PCLO: variants seen among roughly 807,000 people sequenced by gnomAD.
The protein encoded by PCLO is piccolo presynaptic cytomatrix protein, also known as protein piccolo.
A neutral mutation model predicts 427.5 loss-of-function variants in PCLO; 82 were observed. The ratio of observed to expected loss-of-function variants is 0.19; its 90% CI spans 0.16 to 0.23. The LOEUF is 0.23. Among genes scored for constraint, PCLO ranks in the 10% least tolerant of loss-of-function variants. The probability of loss-of-function intolerance (pLI) is 1.00; values close to 1 mark genes in which losing one functional copy is unlikely to be tolerated. For missense variants in PCLO, 6,239 were observed against 6,115.9 expected, an observed-to-expected ratio of 1.02 and a Z score of -0.67; for synonymous variants, 2,357 against 2,155.4, an observed-to-expected ratio of 1.09 and a Z score of -2.59.
Position 83,038,717 on chromosome 7 carries a change from T to C in PCLO, c.3301-72230A>G, listed in dbSNP as rs556126251. ...ATTTGCAAGATTTGTGTGAACATGTTACTTTATGTCTCTTCGGTATCTATG... is the reference window on the plus strand; with the variant it reads ...ATTTGCAAGATTTGTGTGAACATGTCACTTTATGTCTCTTCGGTATCTATG... On this transcript the variant is annotated intron_variant, in intron 3 of 24. Transcript: ENST00000333891. 4.6e-5 allele frequency among the ~76,000 whole-genome samples: 7 copies of C among 152,138 alleles called. No homozygotes were observed. In the East Asian group the frequency reaches 1.4e-3, roughly 29 times the overall value.
At chr7:82,838,929 C>T (rs939646375) in intron 14 of PCLO, among the ~76,000 whole-genome samples, 1 of 151,906 alleles carries the variant, frequency 6.6e-6, no homozygotes, top group Non-Finnish European at 1.5e-5. Context: ...TACTACAATA[C>T]TCTTTTTTTC....
intron 21 of PCLO, among the ~76,000 whole-genome samples, chr7:82,802,892 A>C (rs1215745972): frequency 6.6e-6 from 1 of 152,258 alleles, no homozygotes; most frequent in East Asian, 1.9e-4. Flanking sequence ...TTCAGAAATT[A>C]TTTTATCTCA....
At chr7:83,121,450 A>G (rs1196907163) in intron 3 of PCLO, among the ~76,000 whole-genome samples, 1 of 152,162 alleles carries the variant, frequency 6.6e-6, no homozygotes, top group Non-Finnish European at 1.5e-5. Context: ...ACCTAAGAAG[A>G]CAGAAAAGAA....
Position 82,948,951 on chromosome 7 carries a change from C to T in PCLO, c.11112+525G>A, listed in dbSNP as rs537088899. Among the ~76,000 whole-genome samples, 7 of 152,168 alleles carry T rather than the reference C, an allele frequency of 4.6e-5. No homozygotes were observed. The South Asian group carries it at 1.5e-3, about 32-fold the overall frequency. On this transcript the variant is annotated intron_variant, in intron 6 of 24. Coordinates refer to ENST00000333891, the MANE Select transcript of PCLO (RefSeq NM_033026.6). Reference sequence around the variant, plus strand: ...TCTTTTGACCAGTAAGTGTTCCAAGCCTTTTAATGAAAACATTCTGGCTGG... The same window carrying T: ...TCTTTTGACCAGTAAGTGTTCCAAGTCTTTTAATGAAAACATTCTGGCTGG...
At chr7:82,969,160 A>C (rs530646308) in intron 3 of PCLO, among the ~76,000 whole-genome samples, 3 of 152,208 alleles carry the variant, frequency 2.0e-5, no homozygotes, top group African/African-American at 7.2e-5. Flanking sequence ...AAAATAAAAC[A>C]TAGCAATAAT....
intron 8 of PCLO, among the ~76,000 whole-genome samples, chr7:82,906,809 T>G (rs1244458633): frequency 6.6e-6 from 1 of 151,972 alleles, no homozygotes; most frequent in Admixed American, 6.6e-5. Context: ...TGTTTGTATG[T>G]TAGATGTGAA....
At chr7:82,828,100 T>A (rs903361396) in intron 16 of PCLO, 134 bp from the exon 17 acceptor site, 1 of 625,338 alleles carries the variant, frequency 1.6e-6, no homozygotes, top group African/African-American at 1.9e-5. Flanking sequence ...ATCATCCTCA[T>A]GTCTTAAACC....
At chr7:82,874,243 C>T (rs1793313533) in intron 10 of PCLO, among the ~76,000 whole-genome samples, 1 of 150,944 alleles carries the variant, frequency 6.6e-6, no homozygotes, top group African/African-American at 2.4e-5. Flanking sequence ...GTGCTGGACA[C>T]AGTATAAAGG....
At chr7:82,837,097 C>T (rs762313743) in intron 15 of PCLO, among the ~76,000 whole-genome samples, 84 of 152,072 alleles carry the variant, frequency 5.5e-4, no homozygotes, top group South Asian at 1.7e-3. Context: ...TAAAATTATG[C>T]TTATACGAGG....
At chr7:82,822,311 A>C in intron 20 of PCLO, 184 bp downstream of exon 20, 1 of 1,435,830 alleles carries the variant, frequency 7.0e-7, no homozygotes, top group Non-Finnish European at 9.1e-7. Context: ...ATGTAAATAA[A>C]AAAAATCTAA....
At chr7:82,878,875 C>T (rs375496670) in intron 10 of PCLO, among the ~76,000 whole-genome samples, 12 of 152,138 alleles carry the variant, frequency 7.9e-5, no homozygotes, top group East Asian at 7.7e-4. Flanking sequence ...ATGATCATGA[C>T]TGTGTTCCAA....
intron 3 of PCLO, among the ~76,000 whole-genome samples, chr7:82,978,908 G>A (rs939341499): frequency 6.7e-6 from 1 of 149,724 alleles, no homozygotes. Flanking sequence ...CACAAAATGA[G>A]TATCTTTCTT....
chr7:83,136,441 T>G (rs1196463293), intron 2 of PCLO, among the ~76,000 whole-genome samples: 2 of 152,172 alleles, frequency 1.3e-5, no homozygotes, highest in African/African-American at 4.8e-5. Flanking sequence ...TTTTAAGATA[T>G]ACAGCCCAGA....
At chr7:82,991,989 G>T (rs1484508070) in intron 3 of PCLO, among the ~76,000 whole-genome samples, 2 of 152,036 alleles carry the variant, frequency 1.3e-5, no homozygotes, top group Non-Finnish European at 2.9e-5. Flanking sequence ...GTGAGTTTCA[G>T]GGACTCAGAC....
chr7:82,809,744 T>C (rs1382809919), intron 20 of PCLO, among the ~76,000 whole-genome samples: 3 of 151,780 alleles, frequency 2.0e-5, no homozygotes, highest in Admixed American at 6.6e-5. Flanking sequence ...CCACTTGATA[T>C]GGAAGCTTTT....
At position 82,754,043 on chromosome 7, in the gene PCLO, G is replaced by A. The variant is rs1228587389; in HGVS notation, c.*4532C>T. The A allele has an allele frequency of 6.6e-6, 1 of 152,134 alleles. No individual in the cohort carries two copies. Among genetic ancestry groups the A allele is most frequent in the East Asian group, 1.9e-4 (1 of 5,198 alleles). The allele number at this position is 152,134 out of a possible 1,614,324, so 9.4% of individuals were successfully genotyped here. On this transcript the variant is annotated 3_prime_UTR_variant, in exon 25 of 25. Coordinates refer to ENST00000333891, the MANE Select transcript of PCLO (RefSeq NM_033026.6). ...TTTCAGTATTTATTAGTAAGGCTGAGGCAACAGCCTTTATACGGCACAGTT... is the reference window on the plus strand; with the variant it reads ...TTTCAGTATTTATTAGTAAGGCTGAAGCAACAGCCTTTATACGGCACAGTT...
intron 3 of PCLO, among the ~76,000 whole-genome samples, chr7:83,047,641 C>A (rs1789136188): frequency 6.6e-6 from 1 of 151,994 alleles, no homozygotes; most frequent in African/African-American, 2.4e-5. Context: ...TAACAACTCT[C>A]ACTTACTGAG....
intron 3 of PCLO, among the ~76,000 whole-genome samples, chr7:82,986,034 T>C (rs979545269): frequency 6.6e-6 from 1 of 152,002 alleles, no homozygotes; most frequent in Non-Finnish European, 1.5e-5. Flanking sequence ...TATATCATGA[T>C]TACTAATACC....
intron 4 of PCLO, among the ~76,000 whole-genome samples, chr7:82,959,789 G>T (rs554013523): frequency 6.7e-6 from 1 of 148,708 alleles, no homozygotes; most frequent in Non-Finnish European, 1.5e-5. Context: ...ATGCTGCAAT[G>T]ATTTTTTTTC....
Sources: allele counts gnomAD v4.1 joint callset (sites outside exome capture counted in the v4.1 genomes callset), GRCh38; gene constraint gnomAD v4.1.1; transcripts MANE v1.5; gene names NCBI Gene and HGNC (gene_info 2026-07-23, HGNC 2026-07-21).